Variants in DLGAP3 observed in about 807,000 individuals in gnomAD.
DLGAP3 encodes DLG associated protein 3, also known as disks large-associated protein 3.
Under a neutral mutation model 81.2 loss-of-function variants are expected in DLGAP3, and 17 were observed. That is an observed-to-expected ratio of 0.21 (90% CI 0.14 to 0.31). The LOEUF (loss-of-function observed/expected upper bound fraction) is 0.31, where lower values mean the gene tolerates loss of function less well. DLGAP3 is among the 10% of genes least tolerant of loss of function. The pLI is 1.00. For missense variants in DLGAP3, 1,124 were observed against 1,388.0 expected (o/e 0.81, Z 3.02); for synonymous variants, 577 against 587.4 (o/e 0.98, Z 0.26).
chr1:34,888,466 C>T (rs1384764258), intron 5 of DLGAP3, among the ~76,000 whole-genome samples: 3 of 152,196 alleles, frequency 2.0e-5, no homozygotes, highest in Non-Finnish European at 4.4e-5. Context: ...TCAGGCCCCA[C>T]CCCAAGGATC....
At chr1:34,905,792 C>T (rs1639541988) in intron 2 of DLGAP3, among the ~76,000 whole-genome samples, 1 of 151,534 alleles carries the variant, frequency 6.6e-6, no homozygotes, top group South Asian at 2.1e-4. Context: ...TCACTTGAGC[C>T]CAGCAGTTCG....
chr1:34,885,125 A>T (rs1639198877), intron 7 of DLGAP3, 62 bp from the exon 8 acceptor site: 1 of 1,479,122 alleles, frequency 6.8e-7, no homozygotes, highest in Admixed American at 1.7e-5. Context: ...CTTCCCGGGG[A>T]GAACGGCTAG....
At position 34,904,740 on chromosome 1, in the gene DLGAP3, C is replaced by A; in HGVS notation, c.644G>T (p.Gly215Val). The A allele has an allele frequency of 6.2e-7, 1 of 1,612,068 alleles. No homozygotes were observed. The highest frequency in any genetic ancestry group is 1.1e-5 in the South Asian group (1 of 91,084). The change falls in exon 3 of 12, where the codon GGC becomes GTC. Residue 215 changes from glycine to valine, a missense_variant. Transcript: ENST00000373347. The surrounding 1 kb of genome is among the most constrained non-coding windows in gnomAD (Gnocchi z 8.1). ...ATGGGAGGTGTGGGGGCCTCCAGAG[C>A]CCGGGCCGGGGTAGCTGTCTCCTCC... ...GSGGDSYPGPGSGGPHTSHHH... is the reference protein window; with the variant it reads ...GSGGDSYPGPVSGGPHTSHHH...
chr1:34,924,487 G>C (rs1199460825), intron 1 of DLGAP3, among the ~76,000 whole-genome samples: 1 of 152,188 alleles, frequency 6.6e-6, no homozygotes, highest in East Asian at 1.9e-4. Flanking sequence ...AAATCCCAAA[G>C]TATGATGGGC....
intron 1 of DLGAP3, among the ~76,000 whole-genome samples, chr1:34,918,043 T>G (rs1451114035): frequency 7.2e-5 from 11 of 152,062 alleles, no homozygotes; most frequent in African/African-American, 2.7e-4. Context: ...CAGACCAATA[T>G]CCTAGAGAAA....
intron 2 of DLGAP3, 74 bp from the exon 3 acceptor site, chr1:34,905,508 C>A (rs2148413059): frequency 9.9e-7 from 1 of 1,005,138 alleles, no homozygotes; most frequent in Non-Finnish European, 1.4e-6. Flanking sequence ...ATTAGGCATC[C>A]TTGTATCCCT....
rs1639125713 is a variant in DLGAP3 at position 34,880,264 on chromosome 1, G to A, written c.2000+4714C>T. ...AGATCAGGTCTCACTACGTTGCCCAGGCTCATCTTGAACTCCTGATCTCAA... is the reference window on the plus strand; with the variant it reads ...AGATCAGGTCTCACTACGTTGCCCAAGCTCATCTTGAACTCCTGATCTCAA... On this transcript the variant is annotated intron_variant, in intron 8 of 11. Coordinates refer to ENST00000373347, the MANE Select transcript of DLGAP3 (RefSeq NM_001080418.3). 2.0e-5 allele frequency among the ~76,000 whole-genome samples: 3 copies of A among 152,042 alleles called. No individual in the cohort carries two copies. The South Asian group carries it at 6.2e-4, about 32-fold the overall frequency.
Position 34,917,092 on chromosome 1 carries a change from T to A in DLGAP3, c.-134-9655A>T, listed in dbSNP as rs552787715. The stretch of plus-strand genomic sequence containing the variant: ...GTGTGCCCTTTCTCATCACTCAGCC[T>A]CAGGAAACCTTCCATCTCTGTCATC... On this transcript the variant is annotated intron_variant, in intron 1 of 11. Coordinates refer to ENST00000373347, the MANE Select transcript of DLGAP3 (RefSeq NM_001080418.3). 7.9e-5 allele frequency among the ~76,000 whole-genome samples: 12 copies of A among 152,210 alleles called. No homozygotes were observed. The South Asian group carries it at 2.5e-3, about 32-fold the overall frequency.
intron 1 of DLGAP3, among the ~76,000 whole-genome samples, chr1:34,920,353 T>C (rs940772399): frequency 2.1e-4 from 32 of 152,214 alleles, no homozygotes; most frequent in African/African-American, 7.7e-4. Flanking sequence ...CATGGGATAT[T>C]GGTGACAAGA....
chr1:34,874,516 A>G (rs1358307966), intron 8 of DLGAP3, among the ~76,000 whole-genome samples: 2 of 152,196 alleles, frequency 1.3e-5, no homozygotes, highest in African/African-American at 4.8e-5. Flanking sequence ...ATGCGTAACA[A>G]TGCATTCACA....
At position 34,894,101 on chromosome 1, in the gene DLGAP3, T is replaced by C. The variant is rs892949385; in HGVS notation, c.1386+5568A>G. ...TACTTGGGGAACTGAGGTGGGAGGATTGATTGAGCCTGGGAGGTCAAGGCT... is the reference window on the plus strand; with the variant it reads ...TACTTGGGGAACTGAGGTGGGAGGACTGATTGAGCCTGGGAGGTCAAGGCT... On this transcript the variant is annotated intron_variant, in intron 5 of 11. Transcript: ENST00000373347. 3.3e-5 allele frequency among the ~76,000 whole-genome samples: 5 copies of C among 152,084 alleles called. No homozygotes were observed. The South Asian group carries it at 8.3e-4, about 25-fold the overall frequency.
At position 34,904,432 on chromosome 1, in the gene DLGAP3, T is replaced by G. The variant is rs774683337; in HGVS notation, c.952A>C (p.Met318Leu). ...GACTGTCCATCCAGTGACATGGACA[T>G]GCCAGTGCAGGCAAGGCAGCGGCCT... ...SEGRCLACTG[M>L]SMSLDGQSVK... The change falls in exon 3 of 12, where the codon ATG becomes CTG. Residue 318 changes from methionine to leucine, a missense_variant. This residue lies in a region of DLGAP3 where 357 missense variants were observed against 408.8 expected (regional missense o/e 0.87). Transcript: ENST00000373347. The surrounding 1 kb of genome is among the most constrained non-coding windows in gnomAD (Gnocchi z 8.1). The G allele has an allele frequency of 6.2e-7, 1 of 1,614,134 alleles. No individual in the cohort carries two copies. Among genetic ancestry groups the G allele is most frequent in the Non-Finnish European group, 8.5e-7 (1 of 1,180,040 alleles).
rs1260934691 is a variant in DLGAP3 at position 34,929,587 on chromosome 1, A to T, written c.-271T>A. 6.7e-6 allele frequency: 1 copy of T among 149,974 alleles called. No homozygotes were observed. Among genetic ancestry groups the T allele is most frequent in the East Asian group, 2.0e-4 (1 of 5,018 alleles). 9.3% of individuals were successfully genotyped at this position (149,974 alleles called of 1,614,324 possible). A position where few individuals can be genotyped will look rare whatever the true frequency, so the allele number is the denominator to read the frequency against. ...AGCTGAGGGGCCGCGCCGGCTGCGG[A>T]GCCCCAAGCGAGCGCCGAGCGGCAG... On this transcript the variant is annotated 5_prime_UTR_variant, in exon 1 of 12. Transcript: ENST00000373347. This position sits in a 1 kb window ranked among gnomAD's most constrained non-coding sequence, Gnocchi z 6.5.
rs1639925346 is a variant in DLGAP3, at chr1:34,929,577, C to T, written c.-261G>A. The T allele has an allele frequency of 6.7e-6, 1 of 150,138 alleles. No individual in the cohort carries two copies. Among genetic ancestry groups the T allele is most frequent in the Non-Finnish European group, 1.5e-5 (1 of 67,364 alleles). The allele number at this position is 150,138 out of a possible 1,614,324, so 9.3% of individuals were successfully genotyped here. ...CGGAGCCCCCAGCTGAGGGGCCGCG[C>T]CGGCTGCGGAGCCCCAAGCGAGCGC... On this transcript the variant is annotated 5_prime_UTR_variant, in exon 1 of 12. Coordinates refer to ENST00000373347, the MANE Select transcript of DLGAP3 (RefSeq NM_001080418.3). This position sits in a 1 kb window ranked among gnomAD's most constrained non-coding sequence, Gnocchi z 6.5.
intron 8 of DLGAP3, among the ~76,000 whole-genome samples, chr1:34,881,600 CTTTT>C (rs35552855): frequency 6.9e-6 from 1 of 145,350 alleles, no homozygotes; most frequent in East Asian, 2.0e-4. Context: ...TCTAAGCTGG[CTTTT>C]TTTTTTTAAG....
At chr1:34,869,237 G>C in intron 8 of DLGAP3, 148 bp from the exon 9 acceptor site, 1 of 640,876 alleles carries the variant, frequency 1.6e-6, no homozygotes, top group Non-Finnish European at 2.7e-6. Context: ...ATTGGTCCTT[G>C]CAACAGCTAC....
At position 34,900,840 on chromosome 1, in the gene DLGAP3, C is replaced by T. The variant is rs1463301783; in HGVS notation, c.1108-567G>A. On this transcript the variant is annotated intron_variant, in intron 3 of 11. Coordinates refer to ENST00000373347, the MANE Select transcript of DLGAP3 (RefSeq NM_001080418.3). The surrounding 1 kb of genome is among the most constrained non-coding windows in gnomAD (Gnocchi z 5.6). ...CCAATTAGGAGGCTGATGCTGTTATCCAGGCAAGAGATGATGAGGCCTAAA... is the reference window on the plus strand; with the variant it reads ...CCAATTAGGAGGCTGATGCTGTTATTCAGGCAAGAGATGATGAGGCCTAAA... Among the ~76,000 whole-genome samples, 2 of 152,034 alleles carry T rather than the reference C, an allele frequency of 1.3e-5. No homozygotes were observed. Among genetic ancestry groups the T allele is most frequent in the Non-Finnish European group, 2.9e-5 (2 of 68,010 alleles).
Position 34,873,829 on chromosome 1 carries a change from T to C in DLGAP3, c.2001-4740A>G, listed in dbSNP as rs1455339601. On this transcript the variant is annotated intron_variant, in intron 8 of 11. Coordinates refer to ENST00000373347, the MANE Select transcript of DLGAP3 (RefSeq NM_001080418.3). This position sits in a 1 kb window ranked among gnomAD's most constrained non-coding sequence, Gnocchi z 4.2. ...TTCATCACACTGGTTGGTTGGTTGGTTGGTTGGTTGGTTGGTTGGTTGGAA... is the reference window on the plus strand; with the variant it reads ...TTCATCACACTGGTTGGTTGGTTGGCTGGTTGGTTGGTTGGTTGGTTGGAA... Among the ~76,000 whole-genome samples the C allele has an allele frequency of 6.6e-6, 1 of 151,672 alleles. No individual in the cohort carries two copies. Among genetic ancestry groups the C allele is most frequent in the African/African-American group, 2.4e-5 (1 of 41,324 alleles).
At chr1:34,889,342 C>T (rs751218726) in intron 5 of DLGAP3, among the ~76,000 whole-genome samples, 5 of 152,162 alleles carry the variant, frequency 3.3e-5, no homozygotes, top group Non-Finnish European at 4.4e-5. Context: ...AAGGGAAACA[C>T]GGACTCAGAG....
Sources: allele counts gnomAD v4.1 joint callset (sites outside exome capture counted in the v4.1 genomes callset), GRCh38; gene constraint gnomAD v4.1.1; regional missense constraint gnomAD v4.1.1; non-coding constraint Gnocchi (gnomAD v3.1); transcripts MANE v1.5; gene names NCBI Gene and HGNC (gene_info 2026-07-23, HGNC 2026-07-21).